The following HMGB1 variants were observed in gnomAD, a reference collection of about 807,000 sequenced individuals.
The protein encoded by HMGB1 is high mobility group box 1, also known as high mobility group protein B1.
For missense variants in HMGB1, 79 were observed against 253.5 expected, an observed-to-expected ratio of 0.31 and a Z score of 4.67; for synonymous variants, 81 against 84.0, an observed-to-expected ratio of 0.96 and a Z score of 0.19.
intron 1 of HMGB1, among the ~76,000 whole-genome samples, chr13:30,606,663 GTAA>G: frequency 6.6e-6 from 1 of 152,178 alleles, no homozygotes; most frequent in Non-Finnish European, 1.5e-5. Context: ...TTATGTCTAT[GTAA>G]TAAACAGCTT....
intron 1 of HMGB1, among the ~76,000 whole-genome samples, chr13:30,573,038 T>C (rs928715761): frequency 2.6e-5 from 4 of 152,240 alleles, no homozygotes; most frequent in Non-Finnish European, 5.9e-5. Flanking sequence ...TAAGTTATAA[T>C]TGTAACTTCC....
In HMGB1 at chr13:30,458,750, T is replaced by G. The variant is rs1886117113; in HGVS notation, c.*2607A>C. 1 of 152,160 alleles carries G rather than the reference T, an allele frequency of 6.6e-6. No individual in the cohort carries two copies. The highest frequency in any genetic ancestry group is 2.4e-5 in the African/African-American group (1 of 41,450). 9.4% of individuals were successfully genotyped at this position (152,160 alleles called of 1,614,324 possible). On this transcript the variant is annotated 3_prime_UTR_variant, in exon 5 of 5. Transcript: ENST00000341423. Reference sequence around the variant, plus strand: ...GTGTTACATGGGCGCTTTTCTTATCTTTATCATTTAATCATTACCCCTCGG... The same window carrying G: ...GTGTTACATGGGCGCTTTTCTTATCGTTATCATTTAATCATTACCCCTCGG...
intron 1 of HMGB1, among the ~76,000 whole-genome samples, chr13:30,586,271 A>G (rs1347739114): frequency 6.6e-6 from 1 of 152,002 alleles, no homozygotes; most frequent in African/African-American, 2.4e-5. Flanking sequence ...AACACTCTCA[A>G]CTTTTAAGAA....
intron 1 of HMGB1, among the ~76,000 whole-genome samples, chr13:30,506,120 G>A (rs1055462304): frequency 8.5e-5 from 13 of 152,164 alleles, no homozygotes; most frequent in Admixed American, 2.6e-4. Flanking sequence ...AATCAGGATC[G>A]GATCGGGGGA....
intron 1 of HMGB1, among the ~76,000 whole-genome samples, chr13:30,571,438 G>GTCC (rs1870425186): frequency 6.6e-6 from 1 of 152,084 alleles, no homozygotes; most frequent in Non-Finnish European, 1.5e-5. Flanking sequence ...GGGACTACAG[G>GTCC]CATGTGCCAC....
At chr13:30,476,321 T>C (rs1465062504) in intron 1 of HMGB1, among the ~76,000 whole-genome samples, 1 of 151,912 alleles carries the variant, frequency 6.6e-6, no homozygotes, top group Non-Finnish European at 1.5e-5. Flanking sequence ...GTATTTTCAG[T>C]AGAGATGGGG....
intron 1 of HMGB1, among the ~76,000 whole-genome samples, chr13:30,520,980 A>G (rs926585805): frequency 1.3e-5 from 2 of 152,164 alleles, no homozygotes; most frequent in Non-Finnish European, 2.9e-5. Context: ...GGCAACTGAT[A>G]CCCATTTTCT....
At chr13:30,578,350 C>G (rs1186450367) in intron 1 of HMGB1, among the ~76,000 whole-genome samples, 2 of 143,986 alleles carry the variant, frequency 1.4e-5, no homozygotes, top group African/African-American at 5.2e-5. Flanking sequence ...AACTCAAGAT[C>G]AGAGACCAGT....
At chr13:30,557,047 T>G (rs929752889) in intron 1 of HMGB1, among the ~76,000 whole-genome samples, 9 of 152,320 alleles carry the variant, frequency 5.9e-5, no homozygotes, top group Admixed American at 1.3e-4. Flanking sequence ...AAAAAATAAA[T>G]CTAAAAACTG....
chr13:30,572,603 T>C (rs1870482699), intron 1 of HMGB1, among the ~76,000 whole-genome samples: 1 of 152,232 alleles, frequency 6.6e-6, no homozygotes, highest in Admixed American at 6.5e-5. Flanking sequence ...CAGAGCAAGA[T>C]ATCAGAAGGG....
chr13:30,545,472 A>G (rs957417515), intron 1 of HMGB1, among the ~76,000 whole-genome samples: 1 of 151,962 alleles, frequency 6.6e-6, no homozygotes, highest in African/African-American at 2.4e-5. Flanking sequence ...GGCCCCATGT[A>G]ATAGAAGAGG....
chr13:30,476,431 G>A (rs1462495971), intron 1 of HMGB1, among the ~76,000 whole-genome samples: 1 of 151,966 alleles, frequency 6.6e-6, no homozygotes, highest in African/African-American at 2.4e-5. Flanking sequence ...GAGCCATCGC[G>A]CCCAGCCAGC....
chr13:30,482,700 T>C (rs1023327586), intron 1 of HMGB1, among the ~76,000 whole-genome samples: 1 of 152,040 alleles, frequency 6.6e-6, no homozygotes, highest in African/African-American at 2.4e-5. Context: ...ACTCCAAAGG[T>C]AGCAAATGAC....
At chr13:30,561,142 G>A (rs919259517) in intron 1 of HMGB1, among the ~76,000 whole-genome samples, 1 of 141,598 alleles carries the variant, frequency 7.1e-6, no homozygotes. Flanking sequence ...TCAGAAGACT[G>A]AGACACATTT....
intron 1 of HMGB1, among the ~76,000 whole-genome samples, chr13:30,514,352 C>CTTT (rs60409517): frequency 2.3e-5 from 3 of 130,442 alleles, no homozygotes; most frequent in African/African-American, 5.6e-5. Context: ...CTAGTTCAAT[C>CTTT]TTTTTTTTTT....
At chr13:30,475,147 T>C (rs1312738076) in intron 1 of HMGB1, among the ~76,000 whole-genome samples, 4 of 137,136 alleles carry the variant, frequency 2.9e-5, no homozygotes, top group Non-Finnish European at 6.3e-5. Flanking sequence ...TCTTTTTTTT[T>C]TTTTTTTTTT....
Position 30,595,595 on chromosome 13 carries a change from G to T in HMGB1, c.-15+21076C>A, listed in dbSNP as rs150742956. The stretch of plus-strand genomic sequence containing the variant: ...ATTTATTATTTCATAAAGTTTCTGT[G>T]GTCAGAAATCCAGGAGCAGCTTAAC... On this transcript the variant is annotated intron_variant, in intron 1 of 4. Coordinates refer to the HMGB1 transcript ENST00000405805. Among the ~76,000 whole-genome samples the T allele has an allele frequency of 2.7e-3, 404 of 152,262 alleles. 1 individual carries two copies. The highest frequency in any genetic ancestry group is 9.3e-3 in the African/African-American group (386 of 41,542).
intron 1 of HMGB1, among the ~76,000 whole-genome samples, chr13:30,605,121 T>G (rs9506343): frequency 6.6e-6 from 1 of 151,970 alleles, no homozygotes; most frequent in Non-Finnish European, 1.5e-5. Flanking sequence ...GTAAATAGCA[T>G]GTGCTTGCTT....
At chr13:30,483,208 C>T (rs1280044642) in intron 1 of HMGB1, among the ~76,000 whole-genome samples, 1 of 152,152 alleles carries the variant, frequency 6.6e-6, no homozygotes, top group African/African-American at 2.4e-5. Flanking sequence ...AAAGCAAACA[C>T]AAGACCCCAC....
Sources: allele counts gnomAD v4.1 joint callset (sites outside exome capture counted in the v4.1 genomes callset), GRCh38; gene constraint gnomAD v4.1.1; transcripts MANE v1.5; gene names NCBI Gene and HGNC (gene_info 2026-07-23, HGNC 2026-07-21).